LIMK2: variants seen among roughly 807,000 people sequenced by gnomAD.
LIMK2 encodes LIM domain kinase 2.
A neutral mutation model predicts 75.7 loss-of-function variants in LIMK2; 35 were observed. The ratio of observed to expected loss-of-function variants is 0.46; its 90% CI spans 0.35 to 0.61. The LOEUF is 0.61. Among genes scored for constraint, LIMK2 ranks in the 20% least tolerant of loss-of-function variants. The pLI, the probability that LIMK2 is intolerant of heterozygous loss-of-function variation, is 0.00. For missense variants in LIMK2, 623 were observed against 831.0 expected, an observed-to-expected ratio of 0.75 and a Z score of 3.08; for synonymous variants, 301 against 319.2, an observed-to-expected ratio of 0.94 and a Z score of 0.61.
intron 2 of LIMK2, chr22:31,248,312 T>TCCTC (rs1210795180): frequency 2.5e-6 from 3 of 1,195,922 alleles, no homozygotes; most frequent in African/African-American, 3.2e-5. Context: ...CCCCTCCTCT[T>TCCTC]CCTCCCTCCC....
intron 1 of LIMK2, among the ~76,000 whole-genome samples, chr22:31,217,909 C>A (rs1017239279): frequency 2.0e-5 from 3 of 152,228 alleles, no homozygotes; most frequent in Non-Finnish European, 2.9e-5. Context: ...CTTCACACCC[C>A]ATGAGTACAC....
At chr22:31,273,380 A>G in intron 13 of LIMK2, 72 bp from the exon 14 acceptor site, 2 of 1,382,112 alleles carry the variant, frequency 1.4e-6, no homozygotes, top group Non-Finnish European at 2.1e-6. Context: ...TGTGGCTTAG[A>G]TTGACCCTAG....
At chr22:31,248,407 G>A in intron 2 of LIMK2, 2 of 1,393,430 alleles carry the variant, frequency 1.4e-6, no homozygotes, top group Non-Finnish European at 1.9e-6. Flanking sequence ...CCCTGCTCAA[G>A]AATGCCAGTG....
chr22:31,236,337 A>AGG (rs1222676548), intron 2 of LIMK2, among the ~76,000 whole-genome samples: 21 of 148,218 alleles, frequency 1.4e-4, no homozygotes. Flanking sequence ...GGCTGGGTGC[A>AGG]GGGCTTACAC....
At chr22:31,227,094 GT>G (rs1300726062) in intron 2 of LIMK2, among the ~76,000 whole-genome samples, 2 of 152,180 alleles carry the variant, frequency 1.3e-5, no homozygotes, top group African/African-American at 4.8e-5. Flanking sequence ...CCAGTGAATG[GT>G]TATTCCTTCC....
At chr22:31,236,770 C>A (rs950703651) in intron 2 of LIMK2, among the ~76,000 whole-genome samples, 8 of 150,976 alleles carry the variant, frequency 5.3e-5, no homozygotes, top group African/African-American at 2.0e-4. Context: ...AAAAATTAGC[C>A]AGGCATGGTG....
intron 1 of LIMK2, among the ~76,000 whole-genome samples, chr22:31,222,250 G>T (rs918961995): frequency 6.7e-6 from 1 of 149,072 alleles, no homozygotes; most frequent in Non-Finnish European, 1.5e-5. Context: ...TTGTATTTTT[G>T]GTAGAGATGT....
rs535765873 is a variant in LIMK2 at position 31,272,640 on chromosome 22, C to G, written c.1494C>G (p.Asn498Lys). 15 of 1,613,730 alleles carry G rather than the reference C, an allele frequency of 9.3e-6. No homozygotes were observed. The highest frequency in any genetic ancestry group is 1.3e-5 in the Non-Finnish European group (15 of 1,179,930). The change falls in exon 13 of 16, where the codon AAC (asparagine) becomes AAG (lysine). Residue 498 changes from asparagine to lysine, a missense_variant. Coordinates refer to ENST00000331728, the MANE Select transcript of LIMK2 (RefSeq NM_005569.4). ...CCAAGAAACGCACCTTGCGCAAGAA[C>G]GACCGCAAGAAGCGCTACACGGTGG... Reference protein sequence around the residue: ...ATTKKRTLRKNDRKKRYTVVG... With the variant: ...ATTKKRTLRKKDRKKRYTVVG...
intron 11 of LIMK2, among the ~76,000 whole-genome samples, chr22:31,268,418 C>G (rs987559782): frequency 5.5e-5 from 7 of 127,744 alleles, no homozygotes; most frequent in African/African-American, 2.0e-4. Flanking sequence ...TAAAGGCAAA[C>G]AGGGCACGGA....
At chr22:31,230,601 T>C (rs1224612532) in intron 2 of LIMK2, among the ~76,000 whole-genome samples, 1 of 152,194 alleles carries the variant, frequency 6.6e-6, no homozygotes, top group African/African-American at 2.4e-5. Flanking sequence ...TTCTCAGGAT[T>C]GCAAACATAA....
In LIMK2 at chr22:31,240,427, CT is replaced by C. The variant is rs58947836; in HGVS notation, c.116+14623del. 7.7e-3 allele frequency among the ~76,000 whole-genome samples: 1,075 copies of C among 140,358 alleles called. 5 individuals carry two copies. Among genetic ancestry groups the C allele is most frequent in the African/African-American group, 0.021 (819 of 38,404 alleles). The allele number at this position is 140,358 out of a possible 152,430, so 92.1% of individuals were successfully genotyped here. On this transcript the variant is annotated intron_variant, in intron 2 of 15. Transcript: ENST00000331728. ...GGAATGACGCTATCTTCTAGAATCA[CT>C]TTTTTTTTTTTTTTGAGTTGGAGTC...
intron 2 of LIMK2, among the ~76,000 whole-genome samples, chr22:31,247,098 G>T (rs1039239862): frequency 6.6e-6 from 1 of 152,196 alleles, no homozygotes; most frequent in African/African-American, 2.4e-5. Flanking sequence ...TTCCTGCCAT[G>T]GTTCACAGTA....
intron 2 of LIMK2, chr22:31,248,824 G>C (rs1350898474): frequency 6.3e-7 from 1 of 1,581,822 alleles, no homozygotes; most frequent in African/African-American, 1.3e-5. Context: ...GGTCCTGAGA[G>C]GAGGGTGGTC....
At chr22:31,238,948 G>A (rs2123797783) in intron 2 of LIMK2, among the ~76,000 whole-genome samples, 1 of 152,330 alleles carries the variant, frequency 6.6e-6, no homozygotes, top group African/African-American at 2.4e-5. Context: ...GTTACTCAAT[G>A]TTAGACATTC....
At chr22:31,227,928 C>T (rs1239891898) in intron 2 of LIMK2, among the ~76,000 whole-genome samples, 2 of 152,116 alleles carry the variant, frequency 1.3e-5, no homozygotes, top group East Asian at 1.9e-4. Context: ...AAAAGACTTG[C>T]TCAGGCCATG....
intron 15 of LIMK2, chr22:31,275,673 T>C (rs181916130): frequency 7.9e-4 from 142 of 180,588 alleles, no homozygotes; most frequent in African/African-American, 3.1e-3. Context: ...GCCCTGCATT[T>C]CCCTTGTGTT....
At position 31,260,030 on chromosome 22, in the gene LIMK2, C is replaced by T. The variant is rs773692112; in HGVS notation, c.504C>T (p.Ser168=). ...TTEGRRGFSV[S]VESACSNYAT... The stretch of plus-strand genomic sequence containing the variant: ...AAGGCAGGCGGGGCTTCTCCGTGTC[C>T]GTGGAGAGTGCCTGCTCCAACTACG... The change falls in exon 5 of 16, where the codon TCC becomes TCT. Residue 168 remains serine, a synonymous_variant. Transcript: ENST00000331728. The T allele has an allele frequency of 1.7e-5, 27 of 1,606,206 alleles. No individual in the cohort carries two copies. The highest frequency in any genetic ancestry group is 4.0e-5 in the African/African-American group (3 of 74,404).
rs762386096 is a variant in LIMK2, at chr22:31,225,789, T to C, written c.86T>C (p.Val29Ala). Reference sequence around the variant, plus strand: ...CCAAGCCAGATATGGTACAGGACTGTCAACGAAACCTGGCACGGCTCTTGC... The same window carrying C: ...CCAAGCCAGATATGGTACAGGACTGCCAACGAAACCTGGCACGGCTCTTGC... Reference protein sequence around the residue: ...IAPSQIWYRTVNETWHGSCFR... With the variant: ...IAPSQIWYRTANETWHGSCFR... The change falls in exon 2 of 16, where the codon GTC becomes GCC. Residue 29 changes from valine (V) to alanine (A), a missense_variant. This residue lies in a region of LIMK2 where 514 missense variants were observed against 661.3 expected (regional missense o/e 0.78). Coordinates refer to ENST00000331728, the MANE Select transcript of LIMK2 (RefSeq NM_005569.4). 1.2e-6 allele frequency: 2 copies of C among 1,614,032 alleles called. No homozygotes were observed. Among genetic ancestry groups the C allele is most frequent in the South Asian group, 2.2e-5 (2 of 91,076 alleles).
At position 31,254,608 on chromosome 22, in the gene LIMK2, C is replaced by T. The variant is rs374977357; in HGVS notation, c.117-3683C>T. Among the ~76,000 whole-genome samples the T allele has an allele frequency of 8.5e-5, 13 of 152,302 alleles. No homozygotes were observed. In the East Asian group the frequency reaches 1.7e-3, roughly 20 times the overall value. On this transcript the variant is annotated intron_variant, in intron 2 of 15. Coordinates refer to ENST00000331728, the MANE Select transcript of LIMK2 (RefSeq NM_005569.4). ...AAGGCAGGAGGCAAGAAGGAAGCCC[C>T]TGCTCCTACTGCCAGCCCTCTGTTG...
Sources: gnomAD v4.1 joint callset for allele counts (sites outside exome capture counted in the v4.1 genomes callset) on GRCh38, gnomAD v4.1.1 for gene constraint, gnomAD v4.1.1 regional missense constraint, MANE v1.5 for transcripts, NCBI Gene and HGNC (gene_info 2026-07-23, HGNC 2026-07-21) for gene names.